Variants in AHSG observed in about 807,000 individuals in gnomAD.
AHSG encodes the protein alpha-2-HS-glycoprotein.
AHSG carries 23 observed loss-of-function variants against 30.1 expected under a neutral mutation model. The ratio of observed to expected loss-of-function variants is 0.76; its 90% CI spans 0.55 to 1.08. AHSG has a LOEUF of 1.08. AHSG is among the 50% of genes least tolerant of loss of function. The probability of loss-of-function intolerance (pLI) is 0.00; values close to 1 mark genes in which losing one functional copy is unlikely to be tolerated. For synonymous variants in AHSG, 164 were observed against 186.3 expected (o/e 0.88, Z 0.98); for missense variants, 469 against 459.5 (o/e 1.02, Z -0.19).
chr3:186,620,510 G>A, intron 6 of AHSG, 76 bp from the exon 7 acceptor site: 1 of 1,310,784 alleles, frequency 7.6e-7, no homozygotes, highest in Admixed American at 2.2e-5. Flanking sequence ...TTGGGTGCCA[G>A]TGCCACCTGG....
At chr3:186,616,157 A>G (rs1453177287) in intron 2 of AHSG, among the ~76,000 whole-genome samples, 1 of 152,192 alleles carries the variant, frequency 6.6e-6, no homozygotes, top group East Asian at 1.9e-4. Flanking sequence ...AGATCCTGCC[A>G]TTGCACTCCA....
At chr3:186,620,169 G>T (rs1716437043) in intron 6 of AHSG, among the ~76,000 whole-genome samples, 1 of 152,222 alleles carries the variant, frequency 6.6e-6, no homozygotes, top group African/African-American at 2.4e-5. Flanking sequence ...TTACTGTGTA[G>T]TTGACAAAGC....
rs771457487 is a variant in AHSG, at chr3:186,615,740, A to G, written c.269A>G (p.His90Arg). ...ATAGACACCCTGGAAACCACCTGCC[A>G]TGTGCTGGACCCCACCCCTGTGGCA... ...IEIDTLETTCHVLDPTPVARC... is the reference protein window; with the variant it reads ...IEIDTLETTCRVLDPTPVARC... The change falls in exon 2 of 7, where the codon CAT becomes CGT. Residue 90 changes from histidine (H) to arginine (R), a missense_variant. By Grantham distance (29) the His-to-Arg change is conservative. Coordinates refer to ENST00000411641, the MANE Select transcript of AHSG (RefSeq NM_001622.4). 1.2e-6 allele frequency: 2 copies of G among 1,614,232 alleles called. No individual in the cohort carries two copies. The highest frequency in any genetic ancestry group is 8.5e-7 in the Non-Finnish European group (1 of 1,180,046).
intron 1 of AHSG, among the ~76,000 whole-genome samples, chr3:186,614,742 G>A (rs112888318): frequency 1.3e-5 from 2 of 152,340 alleles, no homozygotes; most frequent in African/African-American, 4.8e-5. Flanking sequence ...ACGCTTTCAG[G>A]CAGTCACTCT....
intron 1 of AHSG, among the ~76,000 whole-genome samples, chr3:186,615,212 G>A (rs1716260901): frequency 6.6e-6 from 1 of 151,674 alleles, no homozygotes; most frequent in Non-Finnish European, 1.5e-5. Flanking sequence ...GGGAGGGATA[G>A]AGGAGATTAA....
chr3:186,616,586 T>G, intron 3 of AHSG, 59 bp downstream of exon 3: 2 of 1,398,858 alleles, frequency 1.4e-6, no homozygotes, highest in Non-Finnish European at 2.0e-6. Context: ...GGAAGGGATC[T>G]GAATAATTTT....
chr3:186,620,663 G>C lies in AHSG; in HGVS notation c.837G>C (p.Pro279=). ...CCGTGGTGGACCCAGATGCACCTCC[G>C]TCCCCTCCACTTGGCGCACCTGGAC... ...PTPVVDPDAP[P]SPPLGAPGLP... The change falls in exon 7 of 7, where the codon CCG becomes CCC. Residue 279 remains proline (P), a synonymous_variant. Coordinates refer to ENST00000411641, the MANE Select transcript of AHSG (RefSeq NM_001622.4). 1 of 1,614,064 alleles carries C rather than the reference G, an allele frequency of 6.2e-7. No homozygotes were observed. The highest frequency in any genetic ancestry group is 8.5e-7 in the Non-Finnish European group (1 of 1,180,008).
chr3:186,618,472 C>CCTT (rs2108502525), intron 4 of AHSG, 64 bp from the exon 5 acceptor site: 2 of 1,590,580 alleles, frequency 1.3e-6, no homozygotes, highest in East Asian at 4.5e-5. Context: ...TTCCCGCTCT[C>CCTT]CTTCTCTGCC....
chr3:186,614,659 T>C (rs1716240562), intron 1 of AHSG, among the ~76,000 whole-genome samples: 1 of 152,232 alleles, frequency 6.6e-6, no homozygotes, highest in Non-Finnish European at 1.5e-5. Context: ...TGACTTTTAC[T>C]AAAGGCAGAG....
At chr3:186,619,421 CA>C (rs1716408188) in intron 5 of AHSG, among the ~76,000 whole-genome samples, 1 of 152,104 alleles carries the variant, frequency 6.6e-6, no homozygotes, top group African/African-American at 2.4e-5. Flanking sequence ...AGGAAGGTGT[CA>C]TTGAATAATC....
At chr3:186,613,968 T>G (rs1008335609) in intron 1 of AHSG, among the ~76,000 whole-genome samples, 1 of 151,930 alleles carries the variant, frequency 6.6e-6, no homozygotes, top group African/African-American at 2.4e-5. Context: ...AATTACTAAG[T>G]CTTCAGGCTG....
intron 3 of AHSG, 76 bp from the exon 4 acceptor site, chr3:186,617,111 C>T (rs1161436108): frequency 6.5e-7 from 1 of 1,547,566 alleles, no homozygotes; most frequent in African/African-American, 1.4e-5. Context: ...ATGCCTTAGC[C>T]CTTGCTAACG....
Position 186,613,263 on chromosome 3 carries a change from C to T in AHSG, c.122C>T (p.Ala41Val), listed in dbSNP as rs1716197576. ...NCDDPETEEA[A>V]LVAIDYINQN... Reference sequence around the variant, plus strand: ...GATGATCCAGAAACTGAGGAAGCAGCTCTGGTGGCTATAGACTACATCAAT... The same window carrying T: ...GATGATCCAGAAACTGAGGAAGCAGTTCTGGTGGCTATAGACTACATCAAT... Residue 41 changes from alanine (A) to valine (V), a missense_variant, in exon 1 of 7, where the codon GCT becomes GTT. Ala to Val is a moderately conservative substitution (Grantham distance 64). Coordinates refer to ENST00000411641, the MANE Select transcript of AHSG (RefSeq NM_001622.4). The T allele has an allele frequency of 1.2e-6, 2 of 1,614,082 alleles. No individual in the cohort carries two copies. The highest frequency in any genetic ancestry group is 1.1e-5 in the South Asian group (1 of 91,092).
intron 4 of AHSG, chr3:186,617,659 A>G: frequency 2.2e-6 from 1 of 453,128 alleles, no homozygotes; most frequent in Non-Finnish European, 4.1e-6. Flanking sequence ...GTCAGCTGGT[A>G]GAGTTGCCCA....
intron 4 of AHSG, 130 bp from the exon 5 acceptor site, chr3:186,618,406 A>G (rs923748932): frequency 7.7e-6 from 11 of 1,431,602 alleles, no homozygotes; most frequent in Non-Finnish European, 1.0e-5. Flanking sequence ...ATTGAGGGAC[A>G]TGTCTTCTGG....
At chr3:186,618,294 C>G (rs904464672) in intron 4 of AHSG, among the ~76,000 whole-genome samples, 2 of 152,134 alleles carry the variant, frequency 1.3e-5, no homozygotes, top group Admixed American at 6.5e-5. Context: ...CCTGAAGGAC[C>G]GGTGATGGAT....
At chr3:186,615,639 G>C in intron 1 of AHSG, 46 bp from the exon 2 acceptor site, 1 of 1,527,402 alleles carries the variant, frequency 6.5e-7, no homozygotes, top group Non-Finnish European at 9.1e-7. Context: ...CGCACCACAG[G>C]ATCAGGGGAA....
At position 186,618,571 on chromosome 3, in the gene AHSG, G is replaced by A; in HGVS notation, c.609G>A (p.Val203=). Residue 203 remains valine, a synonymous_variant, in exon 5 of 7, where the codon GTG becomes GTA. Coordinates refer to ENST00000411641, the MANE Select transcript of AHSG (RefSeq NM_001622.4). The part of the protein sequence containing the change: ...LPPSTYVEFT[V]SGTDCVAKEA... ...CTTCTACCTATGTGGAGTTTACAGT[G>A]TCTGGCACTGACTGTGTTGCTAAAG... 1 of 1,614,102 alleles carries A rather than the reference G, an allele frequency of 6.2e-7. No homozygotes were observed. The highest frequency in any genetic ancestry group is 8.5e-7 in the Non-Finnish European group (1 of 1,179,976).
In AHSG at chr3:186,613,084, G is replaced by T. The variant is rs951149142; in HGVS notation, c.-58G>T. The T allele has an allele frequency of 6.6e-7, 1 of 1,515,272 alleles. No homozygotes were observed. The allele number at this position is 1,515,272 out of a possible 1,614,324, so 93.9% of individuals were successfully genotyped here. Reference sequence around the variant, plus strand: ...TCTACCTTTCCCAGCAGAGCACCTGGGTTGGTCCCGAAGCCTCCAACCACC... The same window carrying T: ...TCTACCTTTCCCAGCAGAGCACCTGTGTTGGTCCCGAAGCCTCCAACCACC... On this transcript the variant is annotated 5_prime_UTR_variant, in exon 1 of 7. Coordinates refer to ENST00000411641, the MANE Select transcript of AHSG (RefSeq NM_001622.4).
Sources: gnomAD v4.1 joint callset for allele counts (sites outside exome capture counted in the v4.1 genomes callset) on GRCh38, gnomAD v4.1.1 for gene constraint, MANE v1.5 for transcripts, NCBI Gene and HGNC (gene_info 2026-07-23, HGNC 2026-07-21) for gene names.